Variants in PPP2R2B observed in about 807,000 individuals in gnomAD.
PPP2R2B encodes the protein serine/threonine-protein phosphatase 2A 55 kDa regulatory subunit B beta isoform.
A neutral mutation model predicts 46.0 loss-of-function variants in PPP2R2B; 5 were observed. That is an observed-to-expected ratio of 0.11 (90% CI 0.06 to 0.23). The LOEUF is 0.23. Ranked by LOEUF, PPP2R2B falls within the 10% of genes least tolerant of loss-of-function variation. PPP2R2B has a pLI of 1.00. For synonymous variants in PPP2R2B, 215 were observed against 206.7 expected (o/e 1.04, Z -0.34); for missense variants, 367 against 575.0 (o/e 0.64, Z 3.70).
chr5:146,720,364 G>A (rs1780726263), intron 2 of PPP2R2B, among the ~76,000 whole-genome samples: 1 of 152,218 alleles, frequency 6.6e-6, no homozygotes, highest in African/African-American at 2.4e-5. Flanking sequence ...GAAGTTGACT[G>A]CATGAATTCA....
At chr5:146,650,871 A>G (rs923977409) in intron 5 of PPP2R2B, 147 bp from the exon 6 acceptor site, 12 of 684,530 alleles carry the variant, frequency 1.8e-5, no homozygotes, top group East Asian at 5.7e-5. Context: ...CTAATAACGA[A>G]TCACACACTG....
intron 6 of PPP2R2B, 146 bp from the exon 7 acceptor site, chr5:146,638,561 A>T (rs1774976957): frequency 1.4e-6 from 1 of 729,150 alleles, no homozygotes. Context: ...AACTTGTCCC[A>T]GGCAGATGAG....
chr5:147,038,668 T>G (rs1202573915), intron 1 of PPP2R2B, among the ~76,000 whole-genome samples: 1 of 152,156 alleles, frequency 6.6e-6, no homozygotes, highest in African/African-American at 2.4e-5. Context: ...GGTCAAAACT[T>G]TATGTTCATT....
At chr5:146,824,874 C>T (rs1758476060) in intron 2 of PPP2R2B, among the ~76,000 whole-genome samples, 1 of 151,802 alleles carries the variant, frequency 6.6e-6, no homozygotes, top group Non-Finnish European at 1.5e-5. Flanking sequence ...CCCACCACCA[C>T]ACCTGGCTAA....
intron 2 of PPP2R2B, among the ~76,000 whole-genome samples, chr5:146,766,637 C>T (rs1289361906): frequency 1.3e-5 from 2 of 151,954 alleles, no homozygotes; most frequent in Non-Finnish European, 2.9e-5. Flanking sequence ...TTTATACTTT[C>T]AAATGAGAAA....
At chr5:146,862,874 A>AC (rs1582298353) in intron 2 of PPP2R2B, among the ~76,000 whole-genome samples, 2 of 151,792 alleles carry the variant, frequency 1.3e-5, no homozygotes, top group South Asian at 4.2e-4. Context: ...AAAAAAAAAA[A>AC]AAACCCTGGC....
intron 4 of PPP2R2B, among the ~76,000 whole-genome samples, chr5:146,691,963 T>G (rs867889694): frequency 1.3e-5 from 2 of 152,230 alleles, no homozygotes. Context: ...AATGCTGTCC[T>G]CAGAACCATT....
intron 1 of PPP2R2B, among the ~76,000 whole-genome samples, chr5:147,017,580 G>C (rs1205655567): frequency 6.6e-6 from 1 of 151,440 alleles, no homozygotes; most frequent in Non-Finnish European, 1.5e-5. Flanking sequence ...AGCATATTAG[G>C]AATGCAAAGA....
At chr5:146,628,742 G>C (rs1774226569) in intron 7 of PPP2R2B, among the ~76,000 whole-genome samples, 1 of 152,174 alleles carries the variant, frequency 6.6e-6, no homozygotes, top group Admixed American at 6.5e-5. Flanking sequence ...TATGTGTCAG[G>C]CAGTGTGCTA....
At chr5:147,036,188 C>G (rs1756025617) in intron 1 of PPP2R2B, among the ~76,000 whole-genome samples, 1 of 152,106 alleles carries the variant, frequency 6.6e-6, no homozygotes, top group African/African-American at 2.4e-5. Context: ...TCCAACAGAC[C>G]CCAGTGTGTG....
At chr5:146,920,944 G>C (rs1156335526) in intron 1 of PPP2R2B, among the ~76,000 whole-genome samples, 1 of 152,122 alleles carries the variant, frequency 6.6e-6, no homozygotes, top group Non-Finnish European at 1.5e-5. Context: ...AATTAAAATG[G>C]AAAAATGTGT....
intron 1 of PPP2R2B, among the ~76,000 whole-genome samples, chr5:146,964,650 C>T (rs1238088389): frequency 2.0e-5 from 3 of 152,156 alleles, no homozygotes; most frequent in African/African-American, 7.2e-5. Context: ...CTCAGCTTCC[C>T]GAGTAGCTGG....
chr5:146,847,910 G>A (rs1760104232), intron 2 of PPP2R2B, among the ~76,000 whole-genome samples: 1 of 152,182 alleles, frequency 6.6e-6, no homozygotes, highest in Non-Finnish European at 1.5e-5. Context: ...TGGCTTGGCA[G>A]CCTATGTTGA....
At chr5:146,727,573 A>T (rs1282204227) in intron 2 of PPP2R2B, among the ~76,000 whole-genome samples, 1 of 152,122 alleles carries the variant, frequency 6.6e-6, no homozygotes, top group African/African-American at 2.4e-5. Flanking sequence ...ATCAGGTAGA[A>T]TGTACTCTAT....
intron 1 of PPP2R2B, among the ~76,000 whole-genome samples, chr5:146,902,628 A>G (rs1466795905): frequency 6.6e-6 from 1 of 152,134 alleles, no homozygotes; most frequent in African/African-American, 2.4e-5. Context: ...TCCTCTTTCT[A>G]ATCCATCCTA....
chr5:146,718,629 T>C (rs1427303315), intron 2 of PPP2R2B, among the ~76,000 whole-genome samples: 1 of 152,144 alleles, frequency 6.6e-6, no homozygotes, highest in Non-Finnish European at 1.5e-5. Context: ...CATTATAAAA[T>C]GCACACACAC....
chr5:146,770,481 T>C (rs1754783726), intron 2 of PPP2R2B, among the ~76,000 whole-genome samples: 1 of 151,856 alleles, frequency 6.6e-6, no homozygotes, highest in African/African-American at 2.4e-5. Context: ...CTATATAATA[T>C]AGTTTTTAAT....
At chr5:146,923,733 G>T (rs959877114) in intron 1 of PPP2R2B, among the ~76,000 whole-genome samples, 3 of 152,208 alleles carry the variant, frequency 2.0e-5, no homozygotes, top group Non-Finnish European at 4.4e-5. Context: ...ATACCCAAAA[G>T]AATATACATC....
intron 2 of PPP2R2B, among the ~76,000 whole-genome samples, chr5:146,853,987 C>T (rs918282729): frequency 2.0e-5 from 3 of 152,016 alleles, no homozygotes; most frequent in Admixed American, 6.6e-5. Flanking sequence ...TTATAATTGC[C>T]TGTTGTCCTG....
Sources: allele counts gnomAD v4.1 joint callset (sites outside exome capture counted in the v4.1 genomes callset), GRCh38; gene constraint gnomAD v4.1.1; transcripts MANE v1.5; gene names NCBI Gene and HGNC (gene_info 2026-07-23, HGNC 2026-07-21).